AKT1S1: variants seen among roughly 807,000 people sequenced by gnomAD.
AKT1S1 encodes the protein AKT1 substrate 1.
AKT1S1 carries 17 observed loss-of-function variants against 21.2 expected under a neutral mutation model. The ratio of observed to expected loss-of-function variants is 0.80; its 90% CI spans 0.55 to 1.20. The LOEUF (loss-of-function observed/expected upper bound fraction) is 1.20. Among genes scored for constraint, AKT1S1 ranks in the 50% most tolerant of loss-of-function variants. AKT1S1 has a pLI of 0.00. For synonymous variants in AKT1S1, 181 were observed against 165.6 expected, an observed-to-expected ratio of 1.09 and a Z score of -0.72; for missense variants, 366 against 368.3, an observed-to-expected ratio of 0.99 and a Z score of 0.05.
chr19:49,875,987 G>C (rs147423541), intron 1 of AKT1S1: 1 of 985,340 alleles, frequency 1.0e-6, no homozygotes, highest in Non-Finnish European at 1.2e-6. Flanking sequence ...AGGAAAGTGA[G>C]ACGTGTTCCC....
Position 49,869,779 on chromosome 19 carries a change from G to C in AKT1S1, c.*138C>G, listed in dbSNP as rs1047372709. The C allele has an allele frequency of 3.6e-4, 371 of 1,028,238 alleles. No individual in the cohort carries two copies. The highest frequency in any genetic ancestry group is 4.5e-4 in the Non-Finnish European group (348 of 765,046). 63.7% of individuals were successfully genotyped at this position (1,028,238 alleles called of 1,614,324 possible). On this transcript the variant is annotated 3_prime_UTR_variant, in exon 5 of 5. Coordinates refer to ENST00000344175, the MANE Select transcript of AKT1S1 (RefSeq NM_001098633.4). ...GCTGGAAGGACGGCGGGGATTGGCA[G>C]AGGCGGGACAATCTTGGGAATGGGA... is the stretch of plus-strand genomic sequence containing the variant.
intron 1 of AKT1S1, chr19:49,874,518 C>T (rs1169220060): frequency 6.6e-6 from 1 of 152,280 alleles, no homozygotes; most frequent in Non-Finnish European, 1.5e-5. Flanking sequence ...ACCTGGCTGC[C>T]TCCTGCATCA....
At chr19:49,878,111 GCCCCAGCCCTCGCTGGTT>G (rs1451085153), upstream of AKT1S1, 1 of 1,541,782 alleles carries the variant, frequency 6.5e-7, no homozygotes, top group Non-Finnish European at 8.8e-7. Flanking sequence ...CCTCGCTTGG[GCCCCAGCCCTCGCTGGTT>G]CCCCCCAACT....
chr19:49,869,698 G>C lies in AKT1S1; in HGVS notation c.*219C>G. 4.2e-6 allele frequency: 2 copies of C among 478,468 alleles called. No homozygotes were observed. Among genetic ancestry groups the C allele is most frequent in the Non-Finnish European group, 3.6e-6 (1 of 277,666 alleles). 29.6% of individuals were successfully genotyped at this position (478,468 alleles called of 1,614,324 possible). On this transcript the variant is annotated 3_prime_UTR_variant, in exon 5 of 5. Transcript: ENST00000344175. ...AATCTGTCGCTAGGCGGAGAGAGAC[G>C]ACAGACCCAATCGGGAAACGGGACA...
Position 49,873,283 on chromosome 19 carries a change from GC to G in AKT1S1, c.12del (p.Arg5AlafsTer27). On this transcript the variant is annotated frameshift_variant, in exon 2 of 5. Transcript: ENST00000344175. LOFTEE classifies it high-confidence loss of function. This position sits in a 1 kb window ranked among gnomAD's most constrained non-coding sequence, Gnocchi z 6.9. MASGRPEELWEAVV... is the reference protein window; with the variant it reads MASXRPEELWEAVV... ...ACGGCCTCCCACAGCTCCTCGGGGC[GC>G]CCCGACGCCATCCGCGCCCTGCGGG... 4 of 1,509,888 alleles carry G rather than the reference GC, an allele frequency of 2.6e-6. No individual in the cohort carries two copies. The highest frequency in any genetic ancestry group is 3.5e-6 in the Non-Finnish European group (4 of 1,139,600). 93.5% of individuals were successfully genotyped at this position (1,509,888 alleles called of 1,614,324 possible). A position where few individuals can be genotyped will look rare whatever the true frequency, so the allele number is the denominator to read the frequency against.
At chr19:49,871,922 G>T (rs775296057) in intron 2 of AKT1S1, 33 bp from the exon 3 acceptor site, 3 of 1,606,884 alleles carry the variant, frequency 1.9e-6, no homozygotes, top group Admixed American at 3.3e-5. Flanking sequence ...GCCCAGGCCA[G>T]GCAGCACCTA....
intron 1 of AKT1S1, chr19:49,876,686 G>GC: frequency 2.1e-6 from 3 of 1,463,064 alleles, no homozygotes; most frequent in Non-Finnish European, 2.7e-6. Context: ...CCGCGCAGTT[G>GC]CCCCGCCTCC....
intron 1 of AKT1S1, chr19:49,876,625 G>C: frequency 6.5e-7 from 1 of 1,530,796 alleles, no homozygotes; most frequent in Non-Finnish European, 8.8e-7. Flanking sequence ...AGCATGGCCG[G>C]CCCGGCGCCG....
At chr19:49,876,396 C>G (rs2074944532) in intron 1 of AKT1S1, 1 of 1,128,624 alleles carries the variant, frequency 8.9e-7, no homozygotes, top group Non-Finnish European at 1.1e-6. Context: ...CAAGGTGAGA[C>G]TGTCTACGAT....
chr19:49,876,536 G>A (rs1318447944), intron 1 of AKT1S1: 66 of 1,461,154 alleles, frequency 4.5e-5, no homozygotes, highest in Non-Finnish European at 5.8e-5. Context: ...CGCCCTCCCA[G>A]CGCCCCGCTG....
intron 4 of AKT1S1, among the ~76,000 whole-genome samples, 160 bp from the exon 5 acceptor site, chr19:49,870,220 G>C (rs535065195): frequency 7.9e-5 from 12 of 152,286 alleles, no homozygotes; most frequent in East Asian, 3.9e-4. Context: ...GCCCCTCCCC[G>C]TCTTGCTCCA....
chr19:49,877,694 G>A, upstream of AKT1S1: 1 of 1,598,418 alleles, frequency 6.3e-7, no homozygotes, highest in South Asian at 1.1e-5. Context: ...AAAAGGAGGA[G>A]GCGGGGCAGT....
intron 1 of AKT1S1, chr19:49,876,824 CAT>C (rs2074953148): frequency 7.5e-6 from 5 of 668,668 alleles, no homozygotes; most frequent in Non-Finnish European, 1.1e-5. Context: ...CCGCCTAGAG[CAT>C]TTCCATTTGC....
Position 49,869,795 on chromosome 19 carries a change from G to C in AKT1S1, c.*122C>G. 8.9e-7 allele frequency: 1 copy of C among 1,119,140 alleles called. No homozygotes were observed. Among genetic ancestry groups the C allele is most frequent in the South Asian group, 2.3e-5 (1 of 43,402 alleles). 69.3% of individuals were successfully genotyped at this position (1,119,140 alleles called of 1,614,324 possible). On this transcript the variant is annotated 3_prime_UTR_variant, in exon 5 of 5. Transcript: ENST00000344175. ...GGATTGGCAGAGGCGGGACAATCTTGGGAATGGGAGACGCAAGGAGGCCGG... is the reference window on the plus strand; with the variant it reads ...GGATTGGCAGAGGCGGGACAATCTTCGGAATGGGAGACGCAAGGAGGCCGG...
chr19:49,876,323 C>G, intron 1 of AKT1S1: 2 of 1,210,852 alleles, frequency 1.7e-6, no homozygotes, highest in Non-Finnish European at 2.1e-6. Flanking sequence ...CCCCCCAAAC[C>G]ATCCCCCGAC....
rs2074901962 is a variant in AKT1S1 at position 49,873,015 on chromosome 19, G to A, written c.281C>T (p.Pro94Leu). The change falls in exon 2 of 5, where the codon CCC becomes CTC. Residue 94 changes from proline (P) to leucine (L), a missense_variant. Pro to Leu is a moderately conservative substitution (Grantham distance 98, BLOSUM62 -3). Coordinates refer to ENST00000344175, the MANE Select transcript of AKT1S1 (RefSeq NM_001098633.4). The surrounding 1 kb of genome is among the most constrained non-coding windows in gnomAD (Gnocchi z 6.9). ...GTCCTCTCTGGCCAGGGTAGGCCGG[G>A]GTGGGCTGGGTGTGGGACTGGGTGG... ...PQPPSPTPSPPRPTLAREDNE... is the reference protein window; with the variant it reads ...PQPPSPTPSPLRPTLAREDNE... 3.2e-6 allele frequency: 5 copies of A among 1,568,352 alleles called. No homozygotes were observed. The highest frequency in any genetic ancestry group is 4.3e-6 in the Non-Finnish European group (5 of 1,157,732).
At chr19:49,870,172 C>T (rs755727441) in intron 4 of AKT1S1, 112 bp from the exon 5 acceptor site, 98 of 1,230,126 alleles carry the variant, frequency 8.0e-5, no homozygotes, top group Non-Finnish European at 9.9e-5. Flanking sequence ...ACGTCCCTGC[C>T]CTGCCACCTG....
chr19:49,873,253 C>A lies in AKT1S1; in HGVS notation c.43G>T (p.Gly15Trp). The part of the protein sequence containing the change: ...RPEELWEAVV[G>W]AAERFRARTG... ...CGGGCCCGGAAGCGCTCAGCGGCCCCCACCACGGCCTCCCACAGCTCCTCG... is the reference window on the plus strand; with the variant it reads ...CGGGCCCGGAAGCGCTCAGCGGCCCACACCACGGCCTCCCACAGCTCCTCG... Residue 15 changes from glycine to tryptophan, a missense_variant, in exon 2 of 5, where the codon GGG becomes TGG. Physicochemically the swap from Gly to Trp is radical, Grantham distance 184. Coordinates refer to ENST00000344175, the MANE Select transcript of AKT1S1 (RefSeq NM_001098633.4). This position sits in a 1 kb window ranked among gnomAD's most constrained non-coding sequence, Gnocchi z 6.9. 1 of 1,534,962 alleles carries A rather than the reference C, an allele frequency of 6.5e-7. No homozygotes were observed.
In AKT1S1 at chr19:49,869,935, C is replaced by A; in HGVS notation, c.753G>T (p.Lys251Asn). The change falls in exon 5 of 5, where the codon AAG (lysine) becomes AAT (asparagine). Residue 251 changes from lysine to asparagine, a missense_variant. Lys to Asn is a moderately conservative substitution (Grantham distance 94). Transcript: ENST00000344175. Reference sequence around the variant, plus strand: ...CTGGACTTCAATATTTCCGCTTCAGCTTCTGGAAGTCGCTGGTGTTAAGCC... The same window carrying A: ...CTGGACTTCAATATTTCCGCTTCAGATTCTGGAAGTCGCTGGTGTTAAGCC... ...RPRLNTSDFQKLKRKY is the reference protein window; with the variant it reads ...RPRLNTSDFQNLKRKY 2 of 1,527,242 alleles carry A rather than the reference C, an allele frequency of 1.3e-6. No homozygotes were observed. Among genetic ancestry groups the A allele is most frequent in the African/African-American group, 1.4e-5 (1 of 71,506 alleles). The allele number at this position is 1,527,242 out of a possible 1,614,324, so 94.6% of individuals were successfully genotyped here. A position where few individuals can be genotyped will look rare whatever the true frequency, so the allele number is the denominator to read the frequency against.
Sources: gnomAD v4.1 joint callset for allele counts (sites outside exome capture counted in the v4.1 genomes callset) on GRCh38, gnomAD v4.1.1 for gene constraint, Gnocchi (gnomAD v3.1) non-coding constraint, MANE v1.5 for transcripts, NCBI Gene and HGNC (gene_info 2026-07-23, HGNC 2026-07-21) for gene names.